Variants in MBNL2 observed in about 807,000 individuals in gnomAD.
MBNL2 encodes the protein muscleblind-like protein 2.
MBNL2 carries 17 observed loss-of-function variants against 41.9 expected under a neutral mutation model. That is an observed-to-expected ratio of 0.41 (90% CI 0.28 to 0.61). The LOEUF (loss-of-function observed/expected upper bound fraction) is 0.61, where lower values mean the gene tolerates loss of function less well. MBNL2 is among the 20% of genes least tolerant of loss of function. MBNL2 has a pLI of 0.35. For synonymous variants in MBNL2, 195 were observed against 182.9 expected (o/e 1.07, Z -0.53); for missense variants, 336 against 505.6 (o/e 0.66, Z 3.22).
In MBNL2 at chr13:97,304,357, A is replaced by C. The variant is rs76808263; in HGVS notation, c.174+27948A>C. 4.8e-3 allele frequency among the ~76,000 whole-genome samples: 737 copies of C among 152,358 alleles called. 14 individuals are homozygous for C. Among genetic ancestry groups the C allele is most frequent in the Admixed American group, 0.035 (533 of 15,306 alleles). On this transcript the variant is annotated intron_variant, in intron 2 of 8. Coordinates refer to ENST00000679496, the MANE Select transcript of MBNL2 (RefSeq NM_001382683.1). ...TGATTATTGCCTACACTGACTATTCATATGAGTTTAATTTTATATCAAAAA... is the reference window on the plus strand; with the variant it reads ...TGATTATTGCCTACACTGACTATTCCTATGAGTTTAATTTTATATCAAAAA...
chr13:97,260,967 T>C (rs2048504848), intron 1 of MBNL2, among the ~76,000 whole-genome samples: 1 of 152,162 alleles, frequency 6.6e-6, no homozygotes, highest in African/African-American at 2.4e-5. Flanking sequence ...TAAGTGTTTG[T>C]TCTGAGCTCT....
At chr13:97,215,587 A>G in the MBNL2 span, among the ~76,000 whole-genome samples, 1 of 152,272 alleles carries the variant, frequency 6.6e-6, no homozygotes, top group Non-Finnish European at 1.5e-5. Context: ...TGAGATAGGC[A>G]TGCTACAATC....
chr13:97,161,350 C>T, the MBNL2 span, among the ~76,000 whole-genome samples: 1 of 152,164 alleles, frequency 6.6e-6, no homozygotes, highest in Non-Finnish European at 1.5e-5. Context: ...AATTTTTTTG[C>T]AGCTACATTG....
chr13:97,250,631 T>C (rs929610588), intron 1 of MBNL2, among the ~76,000 whole-genome samples: 28 of 152,210 alleles, frequency 1.8e-4, no homozygotes, highest in African/African-American at 6.8e-4. Context: ...TTTTGTTGCA[T>C]GTTGAGCTAT....
chr13:97,241,170 C>T (rs942680702), intron 1 of MBNL2, among the ~76,000 whole-genome samples: 17 of 152,314 alleles, frequency 1.1e-4, no homozygotes, highest in African/African-American at 4.1e-4. Context: ...CCCCTTCCTT[C>T]CTGGATGTGC....
At chr13:97,300,601 G>C (rs887376053) in intron 2 of MBNL2, among the ~76,000 whole-genome samples, 1 of 152,246 alleles carries the variant, frequency 6.6e-6, no homozygotes, top group South Asian at 2.1e-4. Context: ...CTCAGAGTCC[G>C]TAATACCTCC....
At chr13:97,251,882 C>A (rs1429645048) in intron 1 of MBNL2, among the ~76,000 whole-genome samples, 1 of 121,538 alleles carries the variant, frequency 8.2e-6, no homozygotes, top group Admixed American at 1.1e-4. Flanking sequence ...CTCGCTCCGT[C>A]GCCCAGGCCG....
At position 97,226,116 on chromosome 13, in the gene MBNL2, G is replaced by C. The variant is rs78910594; in HGVS notation, c.-605+3585G>C. 8.5e-3 allele frequency among the ~76,000 whole-genome samples: 1,298 copies of C among 152,184 alleles called. 16 individuals carry two copies. The highest frequency in any genetic ancestry group is 0.03 in the African/African-American group (1,253 of 41,492). On this transcript the variant is annotated intron_variant, in intron 1 of 8. Coordinates refer to ENST00000679496, the MANE Select transcript of MBNL2 (RefSeq NM_001382683.1). ...CCAAAGGTGCTGCGTGGCTGGGTCT[G>C]CATCAGGCCTGGGCCTCCGACTGCA... is the stretch of plus-strand genomic sequence containing the variant.
intron 2 of MBNL2, among the ~76,000 whole-genome samples, chr13:97,324,003 A>G (rs1409799748): frequency 6.6e-6 from 1 of 152,176 alleles, no homozygotes; most frequent in African/African-American, 2.4e-5. Flanking sequence ...TTATGCTGTC[A>G]AATAGTAGGT....
At chr13:97,227,230 T>G (rs558527915) in intron 1 of MBNL2, among the ~76,000 whole-genome samples, 1 of 152,250 alleles carries the variant, frequency 6.6e-6, no homozygotes, top group South Asian at 2.1e-4. Context: ...GATGTAGCCA[T>G]GTTTATAGAA....
chr13:97,296,765 G>C (rs1394393987), intron 2 of MBNL2, among the ~76,000 whole-genome samples: 1 of 152,148 alleles, frequency 6.6e-6, no homozygotes, highest in Non-Finnish European at 1.5e-5. Flanking sequence ...AGGGAGGCTA[G>C]ACCAACAGAA....
chr13:97,217,068 CAT>C (rs60986764), upstream of MBNL2, among the ~76,000 whole-genome samples: 14,720 of 147,858 alleles, frequency 0.1, 1,098 homozygotes, highest in African/African-American at 0.21. Flanking sequence ...CATATATACA[CAT>C]ATGTGTTGTA....
intron 7 of MBNL2, 105 bp downstream of exon 7, chr13:97,357,740 TAC>T: frequency 9.1e-7 from 1 of 1,094,244 alleles, no homozygotes; most frequent in Non-Finnish European, 1.4e-6. Flanking sequence ...GAAGGTATAA[TAC>T]AGTTTGAAAT....
chr13:97,315,549 T>C (rs1169794279), intron 2 of MBNL2, among the ~76,000 whole-genome samples: 1 of 152,150 alleles, frequency 6.6e-6, no homozygotes, highest in African/African-American at 2.4e-5. Context: ...GTTACAGACA[T>C]GCAGAGAAGG....
chr13:97,303,916 C>T (rs2057879062), intron 2 of MBNL2, among the ~76,000 whole-genome samples: 1 of 152,148 alleles, frequency 6.6e-6, no homozygotes, highest in Non-Finnish European at 1.5e-5. Context: ...CAGCATGTCC[C>T]AGGGTATAAA....
chr13:97,245,037 C>T (rs2045174130), intron 1 of MBNL2, among the ~76,000 whole-genome samples: 2 of 152,082 alleles, frequency 1.3e-5, no homozygotes, highest in South Asian at 4.2e-4. Flanking sequence ...AGTAAGATTA[C>T]AGGTATTTTA....
chr13:97,192,069 C>T, the MBNL2 span, among the ~76,000 whole-genome samples: 1 of 152,164 alleles, frequency 6.6e-6, no homozygotes, highest in Admixed American at 6.5e-5. Context: ...AACCTGACCC[C>T]AGGCCTGTTA....
At chr13:97,178,845 C>T in the MBNL2 span, among the ~76,000 whole-genome samples, 1 of 152,050 alleles carries the variant, frequency 6.6e-6, no homozygotes, top group South Asian at 2.1e-4. Flanking sequence ...TGCAGTGAGC[C>T]ATGATTACAC....
chr13:97,155,465 A>G, the MBNL2 span, among the ~76,000 whole-genome samples: 1 of 149,630 alleles, frequency 6.7e-6, no homozygotes, highest in Non-Finnish European at 1.5e-5. Context: ...TTACATACGT[A>G]TACATGTGCC....
Sources: gnomAD v4.1 joint callset for allele counts (sites outside exome capture counted in the v4.1 genomes callset) on GRCh38, gnomAD v4.1.1 for gene constraint, MANE v1.5 for transcripts, NCBI Gene and HGNC (gene_info 2026-07-23, HGNC 2026-07-21) for gene names.